DIAPH1: variants seen among roughly 807,000 people sequenced by gnomAD.
The protein encoded by DIAPH1 is diaphanous related formin 1.
In DIAPH1, 46 loss-of-function variants were observed where a neutral mutation model predicts 140.7. The observed-to-expected ratio is 0.33, with a 90% CI of 0.26 to 0.42. The LOEUF is 0.42. DIAPH1 is among the 10% of genes least tolerant of loss of function. DIAPH1 has a pLI of 1.00. For missense variants in DIAPH1, 1,310 were observed against 1,558.7 expected, an observed-to-expected ratio of 0.84 and a Z score of 2.69; for synonymous variants, 565 against 551.6, an observed-to-expected ratio of 1.02 and a Z score of -0.34.
In DIAPH1 at chr5:141,573,902, T is replaced by C. The variant is rs1158959492; in HGVS notation, c.1948A>G (p.Thr650Ala). 6 of 1,535,300 alleles carry C rather than the reference T, an allele frequency of 3.9e-6. No homozygotes were observed. Among genetic ancestry groups the C allele is most frequent in the Middle Eastern group, 1.7e-4 (1 of 5,882 alleles). ...SPPPPLSGDA[T>A]IPPPPPLPEG... is the part of the protein sequence containing the mutation. ...GGCAAAGGAGGGGGTGGAGGGATGG[T>C]AGCATCCCCAGACAAAGGAGGGGGT... The change falls in exon 16 of 28, where the codon ACC becomes GCC. Residue 650 changes from threonine (T) to alanine (A), a missense_variant. Around this residue, in one of 3 missense-constraint regions of DIAPH1, gnomAD observed 589 missense variants for 549.3 expected, o/e 1.07. Transcript: ENST00000389054.
At chr5:141,610,018 C>T (rs2099901559) in intron 1 of DIAPH1, among the ~76,000 whole-genome samples, 1 of 152,202 alleles carries the variant, frequency 6.6e-6, no homozygotes, top group African/African-American at 2.4e-5. Flanking sequence ...AAGAGAGAAG[C>T]CGAGCACAGT....
At chr5:141,607,913 G>A (rs1313325598) in intron 1 of DIAPH1, among the ~76,000 whole-genome samples, 1 of 152,198 alleles carries the variant, frequency 6.6e-6, no homozygotes, top group Non-Finnish European at 1.5e-5. Context: ...TGGGGCATTA[G>A]CAGAGATGTT....
intron 27 of DIAPH1, among the ~76,000 whole-genome samples, chr5:141,522,086 C>T (rs1023897165): frequency 6.6e-6 from 1 of 152,086 alleles, no homozygotes; most frequent in Non-Finnish European, 1.5e-5. Context: ...AATGTGAGAC[C>T]GCATCACATC....
Position 141,575,096 on chromosome 5 carries a change from C to G in DIAPH1, c.1512G>C (p.Lys504Asn). ...GCTTCTGCTCAAAGTCACTTTCCATCTTTTTCATTTCCACCTGTAGCTCAT... is the reference window on the plus strand; with the variant it reads ...GCTTCTGCTCAAAGTCACTTTCCATGTTTTTCATTTCCACCTGTAGCTCAT... ...ARHELQVEMKKMESDFEQKLQ... is the reference protein window; with the variant it reads ...ARHELQVEMKNMESDFEQKLQ... The change falls in exon 15 of 28, where the codon AAG becomes AAC. Residue 504 changes from lysine to asparagine, a missense_variant. Physicochemically the swap from Lys to Asn is moderately conservative, Grantham distance 94. Transcript: ENST00000389054. 1 of 1,614,240 alleles carries G rather than the reference C, an allele frequency of 6.2e-7. No homozygotes were observed. The highest frequency in any genetic ancestry group is 2.2e-5 in the East Asian group (1 of 44,884).
chr5:141,531,691 T>C (rs1054707824), intron 19 of DIAPH1, among the ~76,000 whole-genome samples: 2 of 152,110 alleles, frequency 1.3e-5, no homozygotes, highest in Admixed American at 6.5e-5. Context: ...TTTTGCCATG[T>C]TGACCAGGCT....
At position 141,585,597 on chromosome 5, in the gene DIAPH1, C is replaced by T. The variant is rs528001163; in HGVS notation, c.301-1372G>A. Reference sequence around the variant, plus strand: ...TGGGTGGATCACAAGGTCAGGGGTTCGAGACTAGCCTGGCCAACATGATGA... The same window carrying T: ...TGGGTGGATCACAAGGTCAGGGGTTTGAGACTAGCCTGGCCAACATGATGA... On this transcript the variant is annotated intron_variant, in intron 3 of 27. Transcript: ENST00000389054. Among the ~76,000 whole-genome samples, 173 of 152,008 alleles carry T rather than the reference C, an allele frequency of 1.1e-3. 1 individual carries two copies. The highest frequency in any genetic ancestry group is 1.0e-2 in the South Asian group (48 of 4,812).
intron 3 of DIAPH1, among the ~76,000 whole-genome samples, chr5:141,585,478 T>C (rs1224074263): frequency 2.0e-5 from 3 of 152,306 alleles, no homozygotes; most frequent in Middle Eastern, 3.4e-3. Flanking sequence ...AAACGGTTTT[T>C]TCAACAATTT....
intron 20 of DIAPH1, 54 bp from the exon 21 acceptor site, chr5:141,529,327 C>A (rs2099887855): frequency 7.1e-7 from 1 of 1,417,528 alleles, no homozygotes; most frequent in East Asian, 2.3e-5. Flanking sequence ...ACAACTCAAG[C>A]CTAAACAACT....
Position 141,573,987 on chromosome 5 carries a change from C to A in DIAPH1, c.1863G>T (p.Leu621Phe), listed in dbSNP as rs2099895582. The A allele has an allele frequency of 6.5e-7, 1 of 1,535,002 alleles. No homozygotes were observed. Among genetic ancestry groups the A allele is most frequent in the Non-Finnish European group, 8.8e-7 (1 of 1,139,504 alleles). The change falls in exon 16 of 28, where the codon TTG becomes TTT. Residue 621 changes from leucine to phenylalanine, a missense_variant. Physicochemically the swap from Leu to Phe is conservative, Grantham distance 22. Coordinates refer to ENST00000389054, the MANE Select transcript of DIAPH1 (RefSeq NM_005219.5). ...GTGAGGAGATGCAAACACCCCCAGG[C>A]AAAGGAGGTGGAGGAGGAGGAGGAG... ...PPPPPPPPPP[L>F]PGGVCISSPP... is the part of the protein sequence containing the mutation.
At position 141,573,670 on chromosome 5, in the gene DIAPH1, G is replaced by A. The variant is rs1335508568; in HGVS notation, c.2180C>T (p.Pro727Leu). 6.2e-6 allele frequency: 10 copies of A among 1,611,034 alleles called. No individual in the cohort carries two copies. The highest frequency in any genetic ancestry group is 8.5e-6 in the Non-Finnish European group (10 of 1,178,014). ...GCCTCCGGGAAATGGAGGAGGTGGA[G>A]GGATTCCAGGACCACCAGGAAGAGG... ...PPPLPGGPGI[P>L]PPPPFPGGPG... is the part of the protein sequence containing the mutation. The change falls in exon 16 of 28, where the codon CCT becomes CTT. Residue 727 changes from proline to leucine, a missense_variant. Transcript: ENST00000389054.
chr5:141,563,551 C>T (rs1362989936), intron 18 of DIAPH1: 1 of 151,944 alleles, frequency 6.6e-6, no homozygotes, highest in Non-Finnish European at 1.5e-5. Flanking sequence ...ACTGACTGTA[C>T]CAAGATGTTA....
intron 27 of DIAPH1, chr5:141,518,869 C>G: frequency 1.4e-6 from 2 of 1,419,908 alleles, no homozygotes; most frequent in Non-Finnish European, 1.9e-6. Context: ...AGCCATGACC[C>G]AGAGCTACTG....
chr5:141,567,727 G>C (rs1167909343), intron 18 of DIAPH1, among the ~76,000 whole-genome samples: 1 of 152,098 alleles, frequency 6.6e-6, no homozygotes, highest in Non-Finnish European at 1.5e-5. Context: ...AGATATCACA[G>C]GGAAAAAGAA....
At chr5:141,529,523 C>T in intron 20 of DIAPH1, 80 bp downstream of exon 20, 4 of 1,169,646 alleles carry the variant, frequency 3.4e-6, no homozygotes, top group South Asian at 1.2e-5. Flanking sequence ...GGAGGAGGAT[C>T]CTCTTCATCT....
chr5:141,568,221 T>A (rs957500598), intron 18 of DIAPH1, among the ~76,000 whole-genome samples: 1 of 151,876 alleles, frequency 6.6e-6, no homozygotes, highest in African/African-American at 2.4e-5. Context: ...TAGTTTATCT[T>A]GTACATACAA....
In DIAPH1 at chr5:141,585,877, T is replaced by TA. The variant is rs547552243; in HGVS notation, c.300+1164dup. The stretch of plus-strand genomic sequence containing the variant: ...ATTGTGATTTGAACAAACTGGTTTT[T>TA]AAAAAAATGACCTAATTGGGGAAAT... On this transcript the variant is annotated intron_variant, in intron 3 of 27. Transcript: ENST00000389054. Among the ~76,000 whole-genome samples, 7 of 152,328 alleles carry TA rather than the reference T, an allele frequency of 4.6e-5. No individual in the cohort carries two copies. In the East Asian group the frequency reaches 9.6e-4, roughly 21 times the overall value.
At chr5:141,574,909 C>A (rs370174914) in intron 15 of DIAPH1, 58 bp downstream of exon 15, 1 of 1,599,022 alleles carries the variant, frequency 6.3e-7, no homozygotes, top group African/African-American at 1.3e-5. Context: ...GACTCCTGTT[C>A]CAAGCCATGT....
intron 1 of DIAPH1, among the ~76,000 whole-genome samples, chr5:141,592,990 G>A (rs1220409605): frequency 6.6e-6 from 1 of 152,176 alleles, no homozygotes; most frequent in African/African-American, 2.4e-5. Flanking sequence ...TGCAAGGAAA[G>A]AGCCTACAAG....
At chr5:141,613,584 T>G (rs1205554919) in intron 1 of DIAPH1, among the ~76,000 whole-genome samples, 1 of 152,198 alleles carries the variant, frequency 6.6e-6, no homozygotes, top group Non-Finnish European at 1.5e-5. Flanking sequence ...CCCTTCCAAC[T>G]CTGAAGTTTT....
Sources: allele counts gnomAD v4.1 joint callset (sites outside exome capture counted in the v4.1 genomes callset), GRCh38; gene constraint gnomAD v4.1.1; regional missense constraint gnomAD v4.1.1; transcripts MANE v1.5; gene names NCBI Gene and HGNC (gene_info 2026-07-23, HGNC 2026-07-21).